NPBWR1: variants seen among roughly 807,000 people sequenced by gnomAD.
The protein encoded by NPBWR1 is neuropeptides B/W receptor type 1.
Under a neutral mutation model 2.8 loss-of-function variants are expected in NPBWR1, and 4 were observed. The observed-to-expected ratio is 1.44, with a 90% CI of 0.71 to 3.29. The LOEUF (loss-of-function observed/expected upper bound fraction) is 3.29. Ranked by LOEUF, NPBWR1 falls within the 30% of genes most tolerant of loss-of-function variation. The pLI is 0.01. For missense variants in NPBWR1, 545 were observed against 462.5 expected (o/e 1.18, Z -1.64); for synonymous variants, 250 against 224.5 (o/e 1.11, Z -1.02).
rs1563548291 is a variant in NPBWR1, at chr8:52,940,417, G to A, written c.510G>A (p.Val170=). Residue 170 remains valine, a synonymous_variant, in exon 2 of 2, where the codon GTG becomes GTA. Coordinates refer to ENST00000674939, the MANE Select transcript of NPBWR1 (RefSeq NM_005285.5). ...LAVWGIVTLV[V]LPFAVFARLD... ...TGTGGGGGATCGTCACACTCGTCGT[G>A]CTGCCCTTCGCAGTCTTCGCCCGGC... 1.2e-6 allele frequency: 2 copies of A among 1,600,074 alleles called. No individual in the cohort carries two copies. Among genetic ancestry groups the A allele is most frequent in the Non-Finnish European group, 1.7e-6 (2 of 1,178,312 alleles).
Position 52,940,777 on chromosome 8 carries a change from C to T in NPBWR1, c.870C>T (p.Tyr290=). ...PQTPLVIAIS[Y]FITSLSYANS... is the part of the protein sequence containing the mutation. ...CGCCGCTGGTCATCGCTATCTCCTA[C>T]TTCATCACCAGCCTGAGCTACGCCA... The change falls in exon 2 of 2, where the codon TAC becomes TAT. Residue 290 remains tyrosine, a synonymous_variant. Coordinates refer to ENST00000674939, the MANE Select transcript of NPBWR1 (RefSeq NM_005285.5). The T allele has an allele frequency of 6.2e-7, 1 of 1,614,114 alleles. No homozygotes were observed. Among genetic ancestry groups the T allele is most frequent in the African/African-American group, 1.3e-5 (1 of 75,058 alleles).
rs1043216701 is a variant in NPBWR1 at position 52,940,845 on chromosome 8, G to A, written c.938G>A (p.Ser313Asn). Residue 313 changes from serine (S) to asparagine (N), a missense_variant, in exon 2 of 2, where the codon AGC (serine) becomes AAC (asparagine). Coordinates refer to ENST00000674939, the MANE Select transcript of NPBWR1 (RefSeq NM_005285.5). ...TTCCTCTACGCCTTCCTGGACGCCA[G>A]CTTCCGCAGGAACCTCCGCCAGCTG... ...NPFLYAFLDA[S>N]FRRNLRQLIT... is the part of the protein sequence containing the mutation. The A allele has an allele frequency of 3.7e-6, 6 of 1,613,092 alleles. No individual in the cohort carries two copies. The highest frequency in any genetic ancestry group is 2.7e-5 in the African/African-American group (2 of 74,926).
rs1377813718 is a variant in NPBWR1 at position 52,941,682 on chromosome 8, CT to C, written c.*791del. Among the ~76,000 whole-genome samples the C allele has an allele frequency of 6.6e-6, 1 of 152,236 alleles. No homozygotes were observed. The highest frequency in any genetic ancestry group is 1.5e-5 in the Non-Finnish European group (1 of 68,038). On this transcript the variant is annotated 3_prime_UTR_variant, in exon 2 of 2. Coordinates refer to ENST00000674939, the MANE Select transcript of NPBWR1 (RefSeq NM_005285.5). The stretch of plus-strand genomic sequence containing the variant: ...CTTTCTGTCTGCCCCTACTCCTTTT[CT>C]TTGCCTTTTCCCTTTCCTATCCGTG...
Position 52,940,097 on chromosome 8 carries a change from C to T in NPBWR1, c.190C>T (p.Arg64Trp), listed in dbSNP as rs750506348. 1.9e-6 allele frequency: 3 copies of T among 1,612,034 alleles called. No homozygotes were observed. Among genetic ancestry groups the T allele is most frequent in the Non-Finnish European group, 8.5e-7 (1 of 1,179,970 alleles). Residue 64 changes from arginine (R) to tryptophan (W), a missense_variant, in exon 2 of 2, where the codon CGG becomes TGG. Physicochemically the swap from Arg to Trp is moderately radical, Grantham distance 101. Transcript: ENST00000674939. Reference sequence around the variant, plus strand: ...CTCCGCCGTGCTGTACGTGTTGCTGCGGGCGCCCCGCATGAAGACCGTCAC... The same window carrying T: ...CTCCGCCGTGCTGTACGTGTTGCTGTGGGCGCCCCGCATGAAGACCGTCAC... ...GNSAVLYVLL[R>W]APRMKTVTNL... is the part of the protein sequence containing the mutation.
rs771663189 is a variant in NPBWR1, at chr8:52,939,937, G to GC, written c.33dup (p.Ala12ArgfsTer349). On this transcript the variant is annotated frameshift_variant, in exon 2 of 2. Coordinates refer to ENST00000674939, the MANE Select transcript of NPBWR1 (RefSeq NM_005285.5). LOFTEE classifies it low-confidence loss of function (END_TRUNC). ...ACAACGCCTCGTTCTCGGAGCCCTG[G>GC]CCCGCCAACGCATCGGGCCCGGACC... is the stretch of plus-strand genomic sequence containing the variant. The GC allele has an allele frequency of 6.4e-7, 1 of 1,565,276 alleles. No homozygotes were observed. The highest frequency in any genetic ancestry group is 1.2e-5 in the South Asian group (1 of 85,356).
rs1459693457 is a variant in NPBWR1, at chr8:52,943,714, C to T, written c.*2820C>T. Among the ~76,000 whole-genome samples, 1 of 152,164 alleles carries T rather than the reference C, an allele frequency of 6.6e-6. No individual in the cohort carries two copies. The highest frequency in any genetic ancestry group is 6.5e-5 in the Admixed American group (1 of 15,268). On this transcript the variant is annotated 3_prime_UTR_variant, in exon 2 of 2. Transcript: ENST00000674939. Reference sequence around the variant, plus strand: ...AGAGGAGCTCAGTTTAAAATAAAAGCTGAAACATTCTGTGTGATAAGTGAA... The same window carrying T: ...AGAGGAGCTCAGTTTAAAATAAAAGTTGAAACATTCTGTGTGATAAGTGAA...
chr8:52,942,458 C>T lies in NPBWR1; in HGVS notation c.*1564C>T, dbSNP rs576392416. Among the ~76,000 whole-genome samples the T allele has an allele frequency of 7.8e-4, 119 of 152,258 alleles. No homozygotes were observed. The highest frequency in any genetic ancestry group is 3.4e-3 in the Middle Eastern group (1 of 294). ...TTATGGTGTTTTAAAAGGTATTAATCTTTAGGATGAAGTCCAAACAGGATG... is the reference window on the plus strand; with the variant it reads ...TTATGGTGTTTTAAAAGGTATTAATTTTTAGGATGAAGTCCAAACAGGATG... On this transcript the variant is annotated 3_prime_UTR_variant, in exon 2 of 2. Transcript: ENST00000674939.
In NPBWR1 at chr8:52,940,432, C is replaced by G; in HGVS notation, c.525C>G (p.Val175=). The G allele has an allele frequency of 6.3e-7, 1 of 1,596,656 alleles. No individual in the cohort carries two copies. The highest frequency in any genetic ancestry group is 8.5e-7 in the Non-Finnish European group (1 of 1,176,806). ...CACTCGTCGTGCTGCCCTTCGCAGT[C>G]TTCGCCCGGCTAGACGACGAGCAGG... is the stretch of plus-strand genomic sequence containing the variant. ...IVTLVVLPFA[V]FARLDDEQGR... The change falls in exon 2 of 2, where the codon GTC becomes GTG. Residue 175 remains valine, a synonymous_variant. Coordinates refer to ENST00000674939, the MANE Select transcript of NPBWR1 (RefSeq NM_005285.5).
chr8:52,940,975 C>A lies in NPBWR1; in HGVS notation c.*81C>A, dbSNP rs894847526. 2.0e-6 allele frequency: 3 copies of A among 1,479,532 alleles called. No individual in the cohort carries two copies. The highest frequency in any genetic ancestry group is 1.4e-5 in the African/African-American group (1 of 71,192). The allele number at this position is 1,479,532 out of a possible 1,614,324, so 91.7% of individuals were successfully genotyped here. ...GCCGGCGCCAGAGTGCGGGACCAGA[C>A]AGGCCGCCTAGGCCTCCTGGGGAAA... On this transcript the variant is annotated 3_prime_UTR_variant, in exon 2 of 2. Transcript: ENST00000674939.
At position 52,940,573 on chromosome 8, in the gene NPBWR1, C is replaced by G. The variant is rs531727244; in HGVS notation, c.666C>G (p.Leu222=). The part of the protein sequence containing the change: ...FAIPVSTICV[L]YTTLLCRLHA... ...TCCCCGTGTCCACCATCTGTGTCCT[C>G]TATACCACCCTGCTGTGCCGGCTGC... Residue 222 remains leucine, a synonymous_variant, in exon 2 of 2, where the codon CTC becomes CTG. Transcript: ENST00000674939. 1 of 1,600,394 alleles carries G rather than the reference C, an allele frequency of 6.2e-7. No individual in the cohort carries two copies. Among genetic ancestry groups the G allele is most frequent in the Non-Finnish European group, 8.5e-7 (1 of 1,175,510 alleles).
At position 52,939,739 on chromosome 8, in the gene NPBWR1, G is replaced by T; in HGVS notation, c.-169G>T. The T allele has an allele frequency of 1.5e-6, 1 of 685,562 alleles. No homozygotes were observed. The highest frequency in any genetic ancestry group is 2.9e-5 in the East Asian group (1 of 34,198). 42.5% of individuals were successfully genotyped at this position (685,562 alleles called of 1,614,324 possible). A position where few individuals can be genotyped will look rare whatever the true frequency, so the allele number is the denominator to read the frequency against. ...CGTGAGTCCGCGGCGACATTGGGCC[G>T]TGGGGTGGCTGGGAACGGTCCCCTC... On this transcript the variant is annotated 5_prime_UTR_variant, in exon 2 of 2. Coordinates refer to ENST00000674939, the MANE Select transcript of NPBWR1 (RefSeq NM_005285.5).
chr8:52,939,671 C>T (rs41265258), intron 1 of NPBWR1, 40 bp from the exon 2 acceptor site: 10,863 of 467,238 alleles, frequency 0.023, 205 homozygotes, highest in Middle Eastern at 0.037. Context: ...TAAAGTTACA[C>T]GTCGACGAAC....
In NPBWR1 at chr8:52,940,813, CA is replaced by C. The variant is rs1269741066; in HGVS notation, c.908del (p.Asn303ThrfsTer19). 1.2e-5 allele frequency: 19 copies of C among 1,613,974 alleles called. No homozygotes were observed. The highest frequency in any genetic ancestry group is 1.6e-5 in the Non-Finnish European group (19 of 1,180,008). ...TSLSYANSCL[N>X]PFLYAFLDAS... ...GCCTGAGCTACGCCAACAGCTGCCTCAACCCCTTCCTCTACGCCTTCCTGGA... is the reference window on the plus strand; with the variant it reads ...GCCTGAGCTACGCCAACAGCTGCCTCACCCCTTCCTCTACGCCTTCCTGGA... On this transcript the variant is annotated frameshift_variant, in exon 2 of 2. Transcript: ENST00000674939. LOFTEE classifies it high-confidence loss of function.
In NPBWR1 at chr8:52,939,831, C is replaced by T; in HGVS notation, c.-77C>T. ...CGTCCGCGAGCAGGTCCGTGCAGAA[C>T]CGGGCTTCAGGACCGCTGAGCTCCG... On this transcript the variant is annotated 5_prime_UTR_variant, in exon 2 of 2. Transcript: ENST00000674939. 7.1e-7 allele frequency: 1 copy of T among 1,417,276 alleles called. No individual in the cohort carries two copies. The highest frequency in any genetic ancestry group is 9.2e-7 in the Non-Finnish European group (1 of 1,081,804). The allele number at this position is 1,417,276 out of a possible 1,614,324, so 87.8% of individuals were successfully genotyped here.
In NPBWR1 at chr8:52,940,233, G is replaced by T; in HGVS notation, c.326G>T (p.Cys109Phe). ...LRQWPFGELM[C>F]KLIVAIDQYN... The stretch of plus-strand genomic sequence containing the variant: ...CAGTGGCCCTTCGGGGAGCTCATGT[G>T]CAAGCTCATCGTGGCTATCGACCAG... Residue 109 changes from cysteine (C) to phenylalanine (F), a missense_variant, in exon 2 of 2, where the codon TGC becomes TTC. Cys to Phe is a radical substitution (Grantham distance 205, BLOSUM62 -2). Coordinates refer to ENST00000674939, the MANE Select transcript of NPBWR1 (RefSeq NM_005285.5). 6.2e-7 allele frequency: 1 copy of T among 1,613,760 alleles called. No homozygotes were observed. Among genetic ancestry groups the T allele is most frequent in the Non-Finnish European group, 8.5e-7 (1 of 1,180,006 alleles).
Position 52,940,451 on chromosome 8 carries a change from G to A in NPBWR1, c.544G>A (p.Glu182Lys), listed in dbSNP as rs1484514751. 3.8e-6 allele frequency: 6 copies of A among 1,590,328 alleles called. No individual in the cohort carries two copies. In the Admixed American group the frequency reaches 5.2e-5, roughly 14 times the overall value. ...CGCAGTCTTCGCCCGGCTAGACGAC[G>A]AGCAGGGCCGGCGCCAGTGCGTGCT... is the stretch of plus-strand genomic sequence containing the variant. ...PFAVFARLDD[E>K]QGRRQCVLVF... Residue 182 changes from glutamate (E) to lysine (K), a missense_variant, in exon 2 of 2, where the codon GAG becomes AAG. Transcript: ENST00000674939.
Position 52,940,880 on chromosome 8 carries a change from C to T in NPBWR1, c.973C>T (p.Arg325Cys), listed in dbSNP as rs146840260. ...GAACCTCCGCCAGCTGATAACTTGCCGCGCGGCAGCCTGACTCCCCCAGCG... is the reference window on the plus strand; with the variant it reads ...GAACCTCCGCCAGCTGATAACTTGCTGCGCGGCAGCCTGACTCCCCCAGCG... ...RRNLRQLITC[R>C]AAA The change falls in exon 2 of 2, where the codon CGC (arginine) becomes TGC (cysteine). Residue 325 changes from arginine (R) to cysteine (C), a missense_variant. Coordinates refer to ENST00000674939, the MANE Select transcript of NPBWR1 (RefSeq NM_005285.5). The T allele has an allele frequency of 1.9e-6, 3 of 1,603,314 alleles. No homozygotes were observed. The highest frequency in any genetic ancestry group is 1.3e-5 in the African/African-American group (1 of 74,836).
rs545940670 is a variant in NPBWR1 at position 52,942,184 on chromosome 8, A to G, written c.*1290A>G. Among the ~76,000 whole-genome samples the G allele has an allele frequency of 1.3e-5, 2 of 152,224 alleles. No individual in the cohort carries two copies. Among genetic ancestry groups the G allele is most frequent in the Non-Finnish European group, 2.9e-5 (2 of 68,042 alleles). ...AGGTTTTCTCTGCTGTACTTTTCAC[A>G]GGGAGCTGTGGATTACCTGGGCTTT... is the stretch of plus-strand genomic sequence containing the variant. On this transcript the variant is annotated 3_prime_UTR_variant, in exon 2 of 2. Coordinates refer to ENST00000674939, the MANE Select transcript of NPBWR1 (RefSeq NM_005285.5).
rs776656943 is a variant in NPBWR1, at chr8:52,942,476, A to G, written c.*1582A>G. Among the ~76,000 whole-genome samples the G allele has an allele frequency of 6.6e-6, 1 of 152,236 alleles. No homozygotes were observed. The highest frequency in any genetic ancestry group is 1.5e-5 in the Non-Finnish European group (1 of 68,034). On this transcript the variant is annotated 3_prime_UTR_variant, in exon 2 of 2. Coordinates refer to ENST00000674939, the MANE Select transcript of NPBWR1 (RefSeq NM_005285.5). ...TATTAATCTTTAGGATGAAGTCCAA[A>G]CAGGATGAAAATTTCTACAAATGTT...
Sources: gnomAD v4.1 joint callset for allele counts (sites outside exome capture counted in the v4.1 genomes callset) on GRCh38, gnomAD v4.1.1 for gene constraint, MANE v1.5 for transcripts, NCBI Gene and HGNC (gene_info 2026-07-23, HGNC 2026-07-21) for gene names.